The following FAM135A variants were observed in gnomAD, a reference collection of about 807,000 sequenced individuals.
FAM135A encodes protein FAM135A.
A neutral mutation model predicts 146.8 loss-of-function variants in FAM135A; 79 were observed. The observed-to-expected ratio is 0.54, with a 90% confidence interval of 0.45 to 0.65. FAM135A has a LOEUF of 0.65. Ranked by LOEUF, FAM135A falls within the 30% of genes least tolerant of loss-of-function variation. The pLI is 0.00. For missense variants in FAM135A, 1,623 were observed against 1,758.2 expected (o/e 0.92, Z 1.38); for synonymous variants, 562 against 603.6 (o/e 0.93, Z 1.01).
chr6:70,491,231 G>A (rs1456315962), intron 11 of FAM135A, 148 bp downstream of exon 11: 1 of 615,362 alleles, frequency 1.6e-6, no homozygotes, highest in Non-Finnish European at 2.7e-6. Flanking sequence ...CCACAACTTA[G>A]GTGGTCAAAA....
chr6:70,482,388 T>TA (rs11337858), intron 10 of FAM135A, among the ~76,000 whole-genome samples: 3 of 151,770 alleles, frequency 2.0e-5, no homozygotes, highest in Non-Finnish European at 4.4e-5. Context: ...ATGAGTCTTT[T>TA]AAAAAAAACA....
chr6:70,479,380 A>G (rs940642994), intron 8 of FAM135A, among the ~76,000 whole-genome samples: 5 of 152,198 alleles, frequency 3.3e-5, no homozygotes, highest in African/African-American at 1.2e-4. Context: ...AGAAGCCAGG[A>G]GGATTAACTG....
At chr6:70,469,226 CATA>C (rs1456123722) in intron 5 of FAM135A, among the ~76,000 whole-genome samples, 2 of 152,178 alleles carry the variant, frequency 1.3e-5, no homozygotes, top group African/African-American at 4.8e-5. Flanking sequence ...ATACCTGATA[CATA>C]ATAAGTATTC....
At chr6:70,547,019 G>T (rs16880770) in intron 20 of FAM135A, among the ~76,000 whole-genome samples, 6,542 of 152,108 alleles carry the variant, frequency 0.043, 304 homozygotes, top group African/African-American at 0.1. Context: ...CATAATGAGG[G>T]CTCAAAATAG....
Position 70,542,344 on chromosome 6 carries a change from C to CTCATGTGTTTTTGTA in FAM135A, c.4228+3962_4228+3976dup, listed in dbSNP as rs368565262. Among the ~76,000 whole-genome samples, 15 of 151,850 alleles carry CTCATGTGTTTTTGTA rather than the reference C, an allele frequency of 9.9e-5. No individual in the cohort carries two copies. In the South Asian group the frequency reaches 2.3e-3, roughly 23 times the overall value. On this transcript the variant is annotated intron_variant, in intron 20 of 21. Transcript: ENST00000418814. ...CATTTTCTCATGCTTTTTGTATCAC[C>CTCATGTGTTTTTGTA]TCATGTGTTTTTGTATCATGTGTTT...
intron 4 of FAM135A, 115 bp from the exon 5 acceptor site, chr6:70,452,377 G>C (rs1777303606): frequency 1.4e-6 from 1 of 712,078 alleles, no homozygotes; most frequent in African/African-American, 1.9e-5. Flanking sequence ...TGTTATGGGA[G>C]ACTGATATAA....
chr6:70,536,236 A>G (rs1448033263), intron 18 of FAM135A, 24 bp from the exon 19 acceptor site: 8 of 1,575,610 alleles, frequency 5.1e-6, no homozygotes, highest in South Asian at 1.2e-5. Flanking sequence ...CTGTGAGAAA[A>G]TTAATTTTTT....
intron 5 of FAM135A, 71 bp downstream of exon 5, chr6:70,452,642 A>C: frequency 8.9e-7 from 1 of 1,121,640 alleles, no homozygotes. Context: ...AAGTTTTTTC[A>C]TTACAGATAT....
intron 12 of FAM135A, among the ~76,000 whole-genome samples, chr6:70,521,865 A>G (rs1351560403): frequency 1.3e-5 from 2 of 152,194 alleles, no homozygotes; most frequent in Non-Finnish European, 2.9e-5. Flanking sequence ...ATATGCCAAG[A>G]TACATGTTTT....
intron 2 of FAM135A, among the ~76,000 whole-genome samples, chr6:70,423,318 A>C (rs1036689762): frequency 2.0e-5 from 3 of 152,212 alleles, no homozygotes; most frequent in Non-Finnish European, 4.4e-5. Flanking sequence ...GAGAGAGACA[A>C]AAGCTGGTTT....
intron 4 of FAM135A, among the ~76,000 whole-genome samples, chr6:70,429,978 A>G (rs1771152225): frequency 6.6e-6 from 1 of 151,834 alleles, no homozygotes; most frequent in African/African-American, 2.4e-5. Context: ...TCTGCTCTAT[A>G]TGGTCTCTAA....
rs888603984 is a variant in FAM135A, at chr6:70,556,597, C to G, written c.4229-153C>G. 11 of 538,628 alleles carry G rather than the reference C, an allele frequency of 2.0e-5. No individual in the cohort carries two copies. The South Asian group carries it at 2.8e-4, about 14-fold the overall frequency. The allele number at this position is 538,628 out of a possible 1,614,324, so 33.4% of individuals were successfully genotyped here. On this transcript the variant is annotated intron_variant, in intron 20 of 21. Transcript: ENST00000418814. Reference sequence around the variant, plus strand: ...GGTGGGTTTTTTTGTAGAGAACATACAGAAATTTGGAGAAAGGATCATCAA... The same window carrying G: ...GGTGGGTTTTTTTGTAGAGAACATAGAGAAATTTGGAGAAAGGATCATCAA...
At chr6:70,478,410 C>T (rs1783030699) in intron 8 of FAM135A, among the ~76,000 whole-genome samples, 1 of 152,074 alleles carries the variant, frequency 6.6e-6, no homozygotes, top group Admixed American at 6.6e-5. Flanking sequence ...TTCTGATGTA[C>T]ATCTGATTCT....
intron 11 of FAM135A, among the ~76,000 whole-genome samples, chr6:70,493,456 A>G (rs958628574): frequency 1.3e-5 from 2 of 152,232 alleles, no homozygotes; most frequent in Non-Finnish European, 2.9e-5. Context: ...TTAGATATAC[A>G]TATTTAAATT....
intron 5 of FAM135A, among the ~76,000 whole-genome samples, chr6:70,465,110 T>G (rs1488963880): frequency 6.6e-6 from 1 of 152,148 alleles, no homozygotes; most frequent in Non-Finnish European, 1.5e-5. Context: ...ATATACCTCA[T>G]ATAAGTGGAG....
At chr6:70,482,608 G>A in intron 10 of FAM135A, among the ~76,000 whole-genome samples, 1 of 152,034 alleles carries the variant, frequency 6.6e-6, no homozygotes, top group Non-Finnish European at 1.5e-5. Context: ...TTGTTTTAGG[G>A]AATAATAACA....
intron 16 of FAM135A, among the ~76,000 whole-genome samples, chr6:70,529,737 C>G (rs1030819668): frequency 6.6e-6 from 1 of 152,024 alleles, no homozygotes; most frequent in Non-Finnish European, 1.5e-5. Flanking sequence ...CCAACACCTG[C>G]CGCCAAAAAA....
intron 4 of FAM135A, among the ~76,000 whole-genome samples, chr6:70,443,279 T>A (rs1442315384): frequency 6.6e-6 from 1 of 152,212 alleles, no homozygotes; most frequent in South Asian, 2.1e-4. Flanking sequence ...AAGATTATAA[T>A]GGAGCTGGAA....
intron 13 of FAM135A, 47 bp from the exon 14 acceptor site, chr6:70,523,920 G>C (rs780165576): frequency 1.9e-6 from 3 of 1,568,292 alleles, no homozygotes; most frequent in East Asian, 4.6e-5. Context: ...AGGGGAGTTG[G>C]GTATAATTTT....
Sources: allele counts gnomAD v4.1 joint callset (sites outside exome capture counted in the v4.1 genomes callset), GRCh38; gene constraint gnomAD v4.1.1; transcripts MANE v1.5; gene names NCBI Gene and HGNC (gene_info 2026-07-23, HGNC 2026-07-21).